Variants in NMUR1 observed in about 807,000 individuals in gnomAD.
The protein encoded by NMUR1 is neuromedin U receptor 1, also known as neuromedin-U receptor 1.
A neutral mutation model predicts 18.8 loss-of-function variants in NMUR1; 16 were observed. The observed-to-expected ratio is 0.85, with a 90% CI of 0.58 to 1.29. The LOEUF (loss-of-function observed/expected upper bound fraction) is 1.29. NMUR1 is among the 50% of genes most tolerant of loss of function. The probability of loss-of-function intolerance (pLI) is 0.00; values close to 1 mark genes in which losing one functional copy is unlikely to be tolerated. For missense variants in NMUR1, 529 were observed against 580.3 expected (o/e 0.91, Z 0.91); for synonymous variants, 258 against 258.2 (o/e 1.00, Z 0.01).
chr2:231,521,644 T>C (rs1255595366), downstream of NMUR1, among the ~76,000 whole-genome samples: 1 of 152,022 alleles, frequency 6.6e-6, no homozygotes, highest in African/African-American at 2.4e-5. Flanking sequence ...AGAAAGGGCC[T>C]GAACTCCACA....
downstream of NMUR1, among the ~76,000 whole-genome samples, chr2:231,520,324 C>A (rs1016764867): frequency 6.6e-5 from 10 of 152,250 alleles, no homozygotes; most frequent in African/African-American, 1.9e-4. Context: ...GGGCAGGATA[C>A]TGCTGTCAGT....
chr2:231,521,069 T>C (rs540438264), downstream of NMUR1, among the ~76,000 whole-genome samples: 70 of 152,220 alleles, frequency 4.6e-4, no homozygotes, highest in Middle Eastern at 6.8e-3. Flanking sequence ...CCTGGAAGTC[T>C]AGATGAGGTT....
At chr2:231,529,071 C>G (rs2047390672) in intron 1 of NMUR1, 54 bp from the exon 2 acceptor site, 2 of 1,501,264 alleles carry the variant, frequency 1.3e-6, no homozygotes, top group Admixed American at 4.0e-5. Flanking sequence ...AATGCTGGCT[C>G]TGTCCTCACT....
chr2:231,525,408 A>G lies in NMUR1; in HGVS notation c.916T>C (p.Phe306Leu). ...TKMLFVLVVVFGICWAPFHAD... is the reference protein window; with the variant it reads ...TKMLFVLVVVLGICWAPFHAD... ...TGGAACGGGGCCCAGCAGATGCCAAACACCACGACCAGGACAACTGCAGGG... is the reference window on the plus strand; with the variant it reads ...TGGAACGGGGCCCAGCAGATGCCAAGCACCACGACCAGGACAACTGCAGGG... Residue 306 changes from phenylalanine (F) to leucine (L), a missense_variant, in exon 3 of 3, where the codon TTT (phenylalanine) becomes CTT (leucine). Phe to Leu is a conservative substitution (Grantham distance 22). Transcript: ENST00000305141. 1 of 1,611,712 alleles carries G rather than the reference A, an allele frequency of 6.2e-7. No homozygotes were observed. The highest frequency in any genetic ancestry group is 8.5e-7 in the Non-Finnish European group (1 of 1,178,600).
chr2:231,519,202 T>C (rs1269972643), downstream of NMUR1, among the ~76,000 whole-genome samples: 1 of 152,216 alleles, frequency 6.6e-6, no homozygotes, highest in South Asian at 2.1e-4. Flanking sequence ...CCAGAAACTC[T>C]TGTGGATGTT....
chr2:231,521,954 C>A (rs1257095144), downstream of NMUR1, among the ~76,000 whole-genome samples: 1 of 143,074 alleles, frequency 7.0e-6, no homozygotes, highest in Non-Finnish European at 1.5e-5. Flanking sequence ...CACAAAGGGG[C>A]ACCCTTCTTT....
At chr2:231,523,019 C>G (rs2047320320), downstream of NMUR1, 1 of 289,790 alleles carries the variant, frequency 3.5e-6, no homozygotes, top group African/African-American at 2.1e-5. Flanking sequence ...CAGGGCTGGC[C>G]AAGGCCCATC....
At chr2:231,530,085 G>T (rs1416750824) in intron 1 of NMUR1, among the ~76,000 whole-genome samples, 1 of 152,186 alleles carries the variant, frequency 6.6e-6, no homozygotes, top group East Asian at 1.9e-4. Flanking sequence ...ACAGCAGCGC[G>T]GGAGCCTCGG....
intron 2 of NMUR1, among the ~76,000 whole-genome samples, chr2:231,527,595 G>A (rs565817931): frequency 3.2e-4 from 48 of 149,286 alleles, no homozygotes; most frequent in African/African-American, 9.7e-4. Flanking sequence ...GCAGTGAGCC[G>A]TGGTCACACC....
chr2:231,522,334 A>C (rs2125660057), downstream of NMUR1, among the ~76,000 whole-genome samples: 1 of 151,886 alleles, frequency 6.6e-6, no homozygotes, highest in African/African-American at 2.4e-5. Flanking sequence ...TGCTGCCTGC[A>C]CATGGAGGCC....
rs767764298 is a variant in NMUR1, at chr2:231,528,267, G to C, written c.754C>G (p.Leu252Val). ...CGCCGCAGTCGCAGCCCAATGAGCA[G>C]GTAGAGCACGCTCATGATGGCCATG... Reference protein sequence around the residue: ...LPMAIMSVLYLLIGLRLRRER... With the variant: ...LPMAIMSVLYVLIGLRLRRER... The change falls in exon 2 of 3, where the codon CTG becomes GTG. Residue 252 changes from leucine to valine, a missense_variant. Physicochemically the swap from Leu to Val is conservative, Grantham distance 32. Coordinates refer to ENST00000305141, the MANE Select transcript of NMUR1 (RefSeq NM_006056.5). The C allele has an allele frequency of 1.2e-6, 2 of 1,614,058 alleles. No individual in the cohort carries two copies. Among genetic ancestry groups the C allele is most frequent in the Admixed American group, 1.7e-5 (1 of 60,022 alleles).
intron 2 of NMUR1, among the ~76,000 whole-genome samples, 191 bp from the exon 3 acceptor site, chr2:231,525,616 A>G (rs895147160): frequency 6.6e-6 from 1 of 152,154 alleles, no homozygotes; most frequent in Non-Finnish European, 1.5e-5. Context: ...TGCCCTCACC[A>G]TGGTCACTGA....
Position 231,528,796 on chromosome 2 carries a change from A to G in NMUR1, c.225T>C (p.Ala75=). Residue 75 remains alanine, a synonymous_variant, in exon 2 of 3, where the codon GCT becomes GCC. Transcript: ENST00000305141. ...CCAGACAGGTCAGCCCATTGCCCAC[A>G]GCGCCCACCACGAAGATCAGCAGGT... is the stretch of plus-strand genomic sequence containing the variant. The part of the protein sequence containing the change: ...ATYLLIFVVG[A]VGNGLTCLVI... 1 of 1,614,192 alleles carries G rather than the reference A, an allele frequency of 6.2e-7. No individual in the cohort carries two copies. The highest frequency in any genetic ancestry group is 8.5e-7 in the Non-Finnish European group (1 of 1,180,032).
Position 231,528,422 on chromosome 2 carries a change from T to C in NMUR1, c.599A>G (p.His200Arg), listed in dbSNP as rs759584102. ...MLCSLPNTSL[H>R]GIRQLHVPCR... ...GGGCACGTGCAGCTGCCGGATGCCG[T>C]GCAGGCTGGTGTTGGGCAGGGAGCA... Residue 200 changes from histidine to arginine, a missense_variant, in exon 2 of 3, where the codon CAC (histidine) becomes CGC (arginine). His to Arg is a conservative substitution (Grantham distance 29). Coordinates refer to ENST00000305141, the MANE Select transcript of NMUR1 (RefSeq NM_006056.5). 1 of 1,613,674 alleles carries C rather than the reference T, an allele frequency of 6.2e-7. No homozygotes were observed. Among genetic ancestry groups the C allele is most frequent in the Non-Finnish European group, 8.5e-7 (1 of 1,179,970 alleles).
chr2:231,521,876 C>T (rs764898462), downstream of NMUR1, among the ~76,000 whole-genome samples: 3 of 151,870 alleles, frequency 2.0e-5, no homozygotes, highest in Non-Finnish European at 2.9e-5. Flanking sequence ...CTGCTATTCC[C>T]GTTTTCCATG....
Position 231,530,370 on chromosome 2 carries a change from C to A in NMUR1, c.-9G>T. On this transcript the variant is annotated 5_prime_UTR_variant, in exon 1 of 3. Coordinates refer to ENST00000305141, the MANE Select transcript of NMUR1 (RefSeq NM_006056.5). Reference sequence around the variant, plus strand: ...GCCTGCGCACCTACCATGCGGCCCGCGGCCCGCGAGACCCCGGCTTCCACC... The same window carrying A: ...GCCTGCGCACCTACCATGCGGCCCGAGGCCCGCGAGACCCCGGCTTCCACC... 6.7e-7 allele frequency: 1 copy of A among 1,486,974 alleles called. No homozygotes were observed. Among genetic ancestry groups the A allele is most frequent in the Non-Finnish European group, 8.9e-7 (1 of 1,125,844 alleles). The allele number at this position is 1,486,974 out of a possible 1,614,324, so 92.1% of individuals were successfully genotyped here. A position where few individuals can be genotyped will look rare whatever the true frequency, so the allele number is the denominator to read the frequency against.
chr2:231,525,515 C>T (rs1330794707), intron 2 of NMUR1, 90 bp from the exon 3 acceptor site: 8 of 1,406,098 alleles, frequency 5.7e-6, no homozygotes, highest in Non-Finnish European at 7.7e-6. Context: ...ATTTTCACAT[C>T]CTCTCCTATC....
At chr2:231,525,977 C>A (rs2047353261) in intron 2 of NMUR1, among the ~76,000 whole-genome samples, 1 of 151,850 alleles carries the variant, frequency 6.6e-6, no homozygotes, top group Non-Finnish European at 1.5e-5. Context: ...TGCACACACA[C>A]ACACACTGCC....
rs1422803507 is a variant in NMUR1, at chr2:231,523,389, C to T, written c.*1654G>A. 4 of 340,382 alleles carry T rather than the reference C, an allele frequency of 1.2e-5. No individual in the cohort carries two copies. In the Admixed American group the frequency reaches 2.0e-4, roughly 17 times the overall value. 21.1% of individuals were successfully genotyped at this position (340,382 alleles called of 1,614,324 possible). A position where few individuals can be genotyped will look rare whatever the true frequency, so the allele number is the denominator to read the frequency against. On this transcript the variant is annotated 3_prime_UTR_variant, in exon 3 of 3. Coordinates refer to ENST00000305141, the MANE Select transcript of NMUR1 (RefSeq NM_006056.5). ...TTCATTTTGCAAAACTGAAACTCTT[C>T]ACCCATTAAAGAACTCCTCACTTGC... is the stretch of plus-strand genomic sequence containing the variant.
Sources: gnomAD v4.1 joint callset for allele counts (sites outside exome capture counted in the v4.1 genomes callset) on GRCh38, gnomAD v4.1.1 for gene constraint, MANE v1.5 for transcripts, NCBI Gene and HGNC (gene_info 2026-07-23, HGNC 2026-07-21) for gene names.